DENND1A: variants seen among roughly 807,000 people sequenced by gnomAD.
DENND1A encodes the protein DENN domain containing 1A.
DENND1A carries 51 observed loss-of-function variants against 113.7 expected under a neutral mutation model. The observed-to-expected ratio is 0.45, with a 90% confidence interval of 0.36 to 0.57. The LOEUF (loss-of-function observed/expected upper bound fraction) is 0.57. Ranked by LOEUF, DENND1A falls within the 20% of genes least tolerant of loss-of-function variation. The pLI, the probability that DENND1A is intolerant of heterozygous loss-of-function variation, is 0.00. For synonymous variants in DENND1A, 565 were observed against 570.8 expected (o/e 0.99, Z 0.14); for missense variants, 1,258 against 1,395.9 (o/e 0.90, Z 1.57).
At chr9:123,883,670 G>A (rs1459058946) in intron 1 of DENND1A, among the ~76,000 whole-genome samples, 1 of 152,096 alleles carries the variant, frequency 6.6e-6, no homozygotes, top group Non-Finnish European at 1.5e-5. Context: ...TTTCAATAGT[G>A]CGTTTGCAAT....
chr9:123,746,957 A>C, intron 5 of DENND1A, among the ~76,000 whole-genome samples: 1 of 152,162 alleles, frequency 6.6e-6, no homozygotes, highest in East Asian at 1.9e-4. Flanking sequence ...GACAGTAAAA[A>C]TCCTAGCTCA....
At chr9:123,770,658 T>C (rs1829583689) in intron 3 of DENND1A, among the ~76,000 whole-genome samples, 2 of 152,186 alleles carry the variant, frequency 1.3e-5, no homozygotes, top group African/African-American at 4.8e-5. Context: ...TTTTTAACTA[T>C]TTAAAATCCC....
At chr9:123,531,237 T>C (rs1051087334) in intron 13 of DENND1A, among the ~76,000 whole-genome samples, 2 of 152,170 alleles carry the variant, frequency 1.3e-5, no homozygotes, top group African/African-American at 4.8e-5. Context: ...CAAACTAAAC[T>C]CATGTTCTAA....
chr9:123,565,265 T>G (rs1486140470), intron 12 of DENND1A, among the ~76,000 whole-genome samples: 1 of 152,202 alleles, frequency 6.6e-6, no homozygotes, highest in African/African-American at 2.4e-5. Context: ...GTGCTGGGAT[T>G]ACAGGCGTGA....
At chr9:123,914,576 A>G (rs929835186) in intron 1 of DENND1A, among the ~76,000 whole-genome samples, 12 of 150,880 alleles carry the variant, frequency 8.0e-5, no homozygotes, top group African/African-American at 2.9e-4. Flanking sequence ...AATACCCAAG[A>G]CTGGGTAATT....
intron 2 of DENND1A, among the ~76,000 whole-genome samples, chr9:123,793,361 T>C (rs1185054464): frequency 6.6e-6 from 1 of 152,198 alleles, no homozygotes; most frequent in Non-Finnish European, 1.5e-5. Context: ...GATGATCCAA[T>C]GCCATCTTCT....
At chr9:123,414,720 C>A in intron 19 of DENND1A, 1 of 1,230,126 alleles carries the variant, frequency 8.1e-7, no homozygotes, top group Non-Finnish European at 1.1e-6. Context: ...TTTCCCTATA[C>A]CACCCATGAA....
chr9:123,533,059 A>G (rs1361113344), intron 13 of DENND1A, among the ~76,000 whole-genome samples: 1 of 152,242 alleles, frequency 6.6e-6, no homozygotes, highest in Non-Finnish European at 1.5e-5. Context: ...AGCTTAATGT[A>G]TATCAAAATG....
intron 13 of DENND1A, among the ~76,000 whole-genome samples, chr9:123,481,104 A>G (rs1456356195): frequency 6.6e-6 from 1 of 152,220 alleles, no homozygotes. Context: ...CTGCCAGCAG[A>G]AATTTATTTT....
intron 19 of DENND1A, chr9:123,437,824 C>A (rs745847374): frequency 6.6e-6 from 1 of 152,050 alleles, no homozygotes; most frequent in Non-Finnish European, 1.5e-5. Context: ...AAAAAAGATA[C>A]CAAGGAGTCT....
chr9:123,584,944 C>T (rs2059091205), intron 11 of DENND1A, among the ~76,000 whole-genome samples: 1 of 152,192 alleles, frequency 6.6e-6, no homozygotes. Context: ...ACATGACTGG[C>T]ACCCGGTAAG....
At chr9:123,489,270 AG>A (rs2051157435) in intron 13 of DENND1A, among the ~76,000 whole-genome samples, 1 of 152,216 alleles carries the variant, frequency 6.6e-6, no homozygotes, top group Non-Finnish European at 1.5e-5. Flanking sequence ...AAGGAGAGTA[AG>A]GGAGAGAGAG....
At chr9:123,594,824 A>C (rs1251124380) in intron 11 of DENND1A, among the ~76,000 whole-genome samples, 2 of 152,228 alleles carry the variant, frequency 1.3e-5, no homozygotes, top group Admixed American at 6.5e-5. Flanking sequence ...ATATGAGTAC[A>C]TAACAAAGAA....
At chr9:123,551,920 A>C (rs16926607) in intron 13 of DENND1A, among the ~76,000 whole-genome samples, 23,608 of 152,012 alleles carry the variant, frequency 0.16, 1,890 homozygotes, top group Admixed American at 0.2. Flanking sequence ...TGGATCTGGT[A>C]AAGAAAACAA....
intron 2 of DENND1A, among the ~76,000 whole-genome samples, chr9:123,876,940 G>A (rs1024742452): frequency 6.6e-6 from 1 of 152,128 alleles, no homozygotes; most frequent in African/African-American, 2.4e-5. Context: ...ATTCTTTTAA[G>A]TGAAATAGAA....
chr9:123,619,195 C>T (rs1416663853), intron 10 of DENND1A, among the ~76,000 whole-genome samples: 1 of 152,186 alleles, frequency 6.6e-6, no homozygotes, highest in Admixed American at 6.5e-5. Context: ...GATCCACCCA[C>T]CTGGGCCTCC....
At chr9:123,503,099 T>C (rs2052629599) in intron 13 of DENND1A, among the ~76,000 whole-genome samples, 2 of 152,182 alleles carry the variant, frequency 1.3e-5, no homozygotes, top group Non-Finnish European at 2.9e-5. Context: ...GTGCTTCACA[T>C]AATACCTGGC....
At position 123,760,236 on chromosome 9, in the gene DENND1A, A is replaced by T. The variant is rs555600931; in HGVS notation, c.183-2414T>A. Among the ~76,000 whole-genome samples, 5 of 152,352 alleles carry T rather than the reference A, an allele frequency of 3.3e-5. No individual in the cohort carries two copies. The South Asian group carries it at 1.0e-3, about 32-fold the overall frequency. The stretch of plus-strand genomic sequence containing the variant: ...TTACCAAGCTTTTTCCAAAGGTAGA[A>T]TTCTTATTGAGTCTTTGGATATGAT... On this transcript the variant is annotated intron_variant, in intron 4 of 23. Transcript: ENST00000394215.
chr9:123,919,904 GGAT>G (rs958837863), intron 1 of DENND1A, among the ~76,000 whole-genome samples: 6 of 134,244 alleles, frequency 4.5e-5, no homozygotes, highest in African/African-American at 1.8e-4. Flanking sequence ...AAAAAAAAAA[GGAT>G]GATATGACAA....
Sources: allele counts gnomAD v4.1 joint callset (sites outside exome capture counted in the v4.1 genomes callset), GRCh38; gene constraint gnomAD v4.1.1; transcripts MANE v1.5; gene names NCBI Gene and HGNC (gene_info 2026-07-23, HGNC 2026-07-21).